The following PRR16 variants were observed in gnomAD, a reference collection of about 807,000 sequenced individuals.
PRR16 encodes proline rich 16.
Under a neutral mutation model 18.2 loss-of-function variants are expected in PRR16, and 6 were observed. The ratio of observed to expected loss-of-function variants is 0.33; its 90% confidence interval spans 0.18 to 0.65. PRR16 has a LOEUF of 0.65. Ranked by LOEUF, PRR16 falls within the 30% of genes least tolerant of loss-of-function variation. The pLI, the probability that PRR16 is intolerant of heterozygous loss-of-function variation, is 0.74. For missense variants in PRR16, 412 were observed against 376.6 expected, an observed-to-expected ratio of 1.09 and a Z score of -0.78; for synonymous variants, 151 against 147.8, an observed-to-expected ratio of 1.02 and a Z score of -0.16.
chr5:120,505,237 T>C (rs1311242752), intron 1 of PRR16, among the ~76,000 whole-genome samples: 9 of 152,208 alleles, frequency 5.9e-5, no homozygotes, highest in Non-Finnish European at 1.0e-4. Flanking sequence ...AAAACTCTAA[T>C]GTCTAAAGAA....
the PRR16 span, among the ~76,000 whole-genome samples, chr5:120,738,412 A>G: frequency 8.6e-3 from 1,311 of 152,186 alleles, 18 homozygotes; most frequent in African/African-American, 0.03. Flanking sequence ...TTTTTTATTT[A>G]ATATTTTTAT....
chr5:120,596,515 A>G (rs1446349100), intron 1 of PRR16, among the ~76,000 whole-genome samples: 1 of 151,808 alleles, frequency 6.6e-6, no homozygotes, highest in Non-Finnish European at 1.5e-5. Context: ...CATTTTTTTA[A>G]CATAATGAAA....
the PRR16 span, among the ~76,000 whole-genome samples, chr5:120,729,874 C>CCATA: frequency 1.3e-5 from 2 of 151,976 alleles, no homozygotes; most frequent in South Asian, 2.1e-4. Flanking sequence ...GCTTTGCATG[C>CCATA]CATATCAAGA....
the PRR16 span, among the ~76,000 whole-genome samples, chr5:120,773,168 A>T: frequency 6.6e-6 from 1 of 152,106 alleles, no homozygotes; most frequent in Non-Finnish European, 1.5e-5. Context: ...ACCCAGTGTC[A>T]GTTAAAATTT....
chr5:120,755,153 C>T, the PRR16 span, among the ~76,000 whole-genome samples: 1 of 151,524 alleles, frequency 6.6e-6, no homozygotes, highest in Non-Finnish European at 1.5e-5. Context: ...AACAAACCTG[C>T]ACGTTGTGCA....
At chr5:120,544,480 C>T (rs544375483) in intron 1 of PRR16, among the ~76,000 whole-genome samples, 2 of 152,064 alleles carry the variant, frequency 1.3e-5, no homozygotes, top group Non-Finnish European at 2.9e-5. Context: ...CTCATCAAAA[C>T]CTAGTATATG....
intron 1 of PRR16, among the ~76,000 whole-genome samples, chr5:120,540,520 C>T (rs1347968120): frequency 6.6e-6 from 1 of 152,106 alleles, no homozygotes; most frequent in Non-Finnish European, 1.5e-5. Context: ...GTCACGTAGC[C>T]TTGTATACTG....
At chr5:120,534,583 T>C (rs1199628172) in intron 1 of PRR16, among the ~76,000 whole-genome samples, 11 of 152,202 alleles carry the variant, frequency 7.2e-5, no homozygotes, top group Admixed American at 7.2e-4. Flanking sequence ...TATGAATCTA[T>C]CTGTACTTAG....
At chr5:120,497,222 C>A (rs1750277116) in intron 1 of PRR16, among the ~76,000 whole-genome samples, 1 of 151,964 alleles carries the variant, frequency 6.6e-6, no homozygotes, top group Admixed American at 6.6e-5. Context: ...ATTCTATTGG[C>A]TCATGGTACT....
At chr5:120,773,255 A>G in the PRR16 span, among the ~76,000 whole-genome samples, 4 of 152,154 alleles carry the variant, frequency 2.6e-5, no homozygotes, top group Admixed American at 2.6e-4. Context: ...ACAATAAGGT[A>G]CAAGTGTATT....
chr5:120,675,198 G>T (rs1244220598), intron 1 of PRR16, among the ~76,000 whole-genome samples: 1 of 152,174 alleles, frequency 6.6e-6, no homozygotes, highest in Non-Finnish European at 1.5e-5. Context: ...CAAATGGCTG[G>T]ATGCTGTGAC....
the PRR16 span, among the ~76,000 whole-genome samples, chr5:120,770,090 G>T: frequency 1.3e-5 from 2 of 151,802 alleles, no homozygotes; most frequent in African/African-American, 4.8e-5. Flanking sequence ...ATAAAGTAAA[G>T]AAAATCCTAA....
At chr5:120,717,520 G>T in the PRR16 span, among the ~76,000 whole-genome samples, 1 of 13,998 alleles carries the variant, frequency 7.1e-5, no homozygotes, top group Non-Finnish European at 2.4e-4. Context: ...TCTTACACCC[G>T]TGTATCTTCA....
chr5:120,770,926 A>ACTCTCTCT, the PRR16 span, among the ~76,000 whole-genome samples: 3,690 of 131,236 alleles, frequency 0.028, 77 homozygotes, highest in Non-Finnish European at 0.036. Flanking sequence ...TCATTGGAAC[A>ACTCTCTCT]CTCTCTCTCT....
At chr5:120,702,534 C>T in the PRR16 span, among the ~76,000 whole-genome samples, 1 of 152,078 alleles carries the variant, frequency 6.6e-6, no homozygotes, top group African/African-American at 2.4e-5. Flanking sequence ...GGGTGAAGGA[C>T]CAAGGCAGGC....
At chr5:120,482,070 T>G (rs970924983) in intron 1 of PRR16, among the ~76,000 whole-genome samples, 3 of 152,194 alleles carry the variant, frequency 2.0e-5, no homozygotes, top group African/African-American at 7.2e-5. Context: ...ATGAAAAATT[T>G]GTCACCTTTT....
chr5:120,649,816 A>C (rs1041147196), intron 1 of PRR16, among the ~76,000 whole-genome samples: 1 of 152,068 alleles, frequency 6.6e-6, no homozygotes, highest in Non-Finnish European at 1.5e-5. Flanking sequence ...TATCTTGCTT[A>C]TTATATTTTT....
chr5:120,586,897 A>G (rs1002527760), intron 1 of PRR16, among the ~76,000 whole-genome samples: 5 of 152,230 alleles, frequency 3.3e-5, no homozygotes, highest in East Asian at 1.9e-4. Flanking sequence ...AAGCCAAGAC[A>G]GGCCAAAAGC....
At chr5:120,751,114 A>AGTAC in the PRR16 span, among the ~76,000 whole-genome samples, 117 of 152,150 alleles carry the variant, frequency 7.7e-4, no homozygotes, top group Non-Finnish European at 1.3e-3. Context: ...AAATGATGAG[A>AGTAC]GTTCATTAAT....
Sources: gnomAD v4.1 joint callset for allele counts (sites outside exome capture counted in the v4.1 genomes callset) on GRCh38, gnomAD v4.1.1 for gene constraint, MANE v1.5 for transcripts, NCBI Gene and HGNC (gene_info 2026-07-23, HGNC 2026-07-21) for gene names.